Variants in TNR observed in about 807,000 individuals in gnomAD.
TNR encodes the protein tenascin-R.
TNR carries 45 observed loss-of-function variants against 150.4 expected under a neutral mutation model. That is an observed-to-expected ratio of 0.30 (90% CI 0.24 to 0.38). The LOEUF is 0.38. Ranked by LOEUF, TNR falls within the 10% of genes least tolerant of loss-of-function variation. The pLI is 1.00. For synonymous variants in TNR, 687 were observed against 678.4 expected, an observed-to-expected ratio of 1.01 and a Z score of -0.20; for missense variants, 1,544 against 1,759.1, an observed-to-expected ratio of 0.88 and a Z score of 2.19.
chr1:175,333,952 G>T (rs1264156186), intron 20 of TNR, among the ~76,000 whole-genome samples: 1 of 152,206 alleles, frequency 6.6e-6, no homozygotes, highest in Non-Finnish European at 1.5e-5. Flanking sequence ...TGCATGTGTG[G>T]AGTTTGGTGT....
chr1:175,735,806 G>A (rs932973507), intron 1 of TNR, among the ~76,000 whole-genome samples: 1 of 152,172 alleles, frequency 6.6e-6, no homozygotes, highest in African/African-American at 2.4e-5. Flanking sequence ...AGTGTTCATG[G>A]TCTCTGGCTG....
At chr1:175,495,353 A>G (rs183609719) in intron 2 of TNR, among the ~76,000 whole-genome samples, 4 of 152,310 alleles carry the variant, frequency 2.6e-5, no homozygotes, top group Admixed American at 6.5e-5. Context: ...TTTTAATTTT[A>G]GTGGCTACAC....
intron 12 of TNR, among the ~76,000 whole-genome samples, chr1:175,364,222 T>A (rs1215360182): frequency 6.6e-6 from 1 of 152,238 alleles, no homozygotes; most frequent in Non-Finnish European, 1.5e-5. Context: ...AGCAGCCACC[T>A]TTGGTTTCAG....
At position 175,331,078 on chromosome 1, in the gene TNR, C is replaced by CTTCTCTTTCTTTCTTTCTTTCTTTCT. The variant is rs1553203472; in HGVS notation, c.3632-844_3632-843insAGAAAGAAAGAAAGAAAGAAAGAGAA. Among the ~76,000 whole-genome samples the CTTCTCTTTCTTTCTTTCTTTCTTTCT allele has an allele frequency of 3.3e-3, 200 of 59,944 alleles. 7 individuals carry two copies. The highest frequency in any genetic ancestry group is 7.0e-3 in the East Asian group (12 of 1,718). The allele number at this position is 59,944 out of a possible 152,430, so 39.3% of individuals were successfully genotyped here. ...CTTTCTTTCTTTCTTTCTTTCTTTCCTTCTTTCTTTCTTTCTTTCTTTCTC... is the reference window on the plus strand; with the variant it reads ...CTTTCTTTCTTTCTTTCTTTCTTTCCTTCTCTTTCTTTCTTTCTTTCTTTCTTTCTTTCTTTCTTTCTTTCTTTCTC... On this transcript the variant is annotated intron_variant, in intron 20 of 22. Coordinates refer to ENST00000367674, the MANE Select transcript of TNR (RefSeq NM_003285.3).
chr1:175,692,798 CAG>C (rs1666409642), intron 1 of TNR, among the ~76,000 whole-genome samples: 2 of 152,126 alleles, frequency 1.3e-5, no homozygotes, highest in Non-Finnish European at 2.9e-5. Flanking sequence ...TGCAGACAAA[CAG>C]AGACAAATAG....
At chr1:175,530,165 ACT>A (rs1660007989) in intron 1 of TNR, among the ~76,000 whole-genome samples, 1 of 152,204 alleles carries the variant, frequency 6.6e-6, no homozygotes, top group South Asian at 2.1e-4. Context: ...ATCCTTCCAC[ACT>A]GTCATAATTC....
chr1:175,563,342 T>C (rs1162288553), intron 1 of TNR, among the ~76,000 whole-genome samples: 1 of 152,204 alleles, frequency 6.6e-6, no homozygotes, highest in Non-Finnish European at 1.5e-5. Context: ...ACACAAAAAT[T>C]ACTTGCAGTA....
chr1:175,709,989 G>C (rs1187818691), intron 1 of TNR, among the ~76,000 whole-genome samples: 1 of 152,042 alleles, frequency 6.6e-6, no homozygotes, highest in East Asian at 1.9e-4. Flanking sequence ...CCACGTTAGG[G>C]ATTTGGTAGA....
chr1:175,590,677 G>C (rs1409281559), intron 1 of TNR, among the ~76,000 whole-genome samples: 3 of 152,266 alleles, frequency 2.0e-5, no homozygotes, highest in Non-Finnish European at 2.9e-5. Flanking sequence ...GAGGGGAAGG[G>C]CATTCTAGGC....
Position 175,386,122 on chromosome 1 carries a change from C to T in TNR, c.1687G>A (p.Ala563Thr). 1 of 1,613,586 alleles carries T rather than the reference C, an allele frequency of 6.2e-7. No individual in the cohort carries two copies. Among genetic ancestry groups the T allele is most frequent in the African/African-American group, 1.3e-5 (1 of 75,036 alleles). The change falls in exon 8 of 23, where the codon GCC (alanine) becomes ACC (threonine). Residue 563 changes from alanine to threonine, a missense_variant. Physicochemically the swap from Ala to Thr is moderately conservative, Grantham distance 58. Around this residue, in one of 2 missense-constraint regions of TNR, gnomAD observed 1,254 missense variants for 1,329.4 expected, o/e 0.94. Transcript: ENST00000367674. Reference protein sequence around the residue: ...QPPLSQYSVQALRPGSRYEVS... With the variant: ...QPPLSQYSVQTLRPGSRYEVS... ...TCGTATCGGGAGCCAGGCCGCAGGG[C>T]CTGCACTGAGTATTGGCTCAGGGGA...
At chr1:175,670,825 A>T (rs1269202685) in intron 1 of TNR, among the ~76,000 whole-genome samples, 1 of 152,238 alleles carries the variant, frequency 6.6e-6, no homozygotes, top group African/African-American at 2.4e-5. Flanking sequence ...TCAAACGCTT[A>T]TACCCTGGAC....
intron 1 of TNR, among the ~76,000 whole-genome samples, chr1:175,704,872 C>A: frequency 6.6e-6 from 1 of 152,300 alleles, no homozygotes; most frequent in East Asian, 1.9e-4. Context: ...GGCTTATCAA[C>A]GGCTCCCTTC....
intron 2 of TNR, among the ~76,000 whole-genome samples, chr1:175,448,745 C>T (rs1051997281): frequency 6.6e-6 from 1 of 152,234 alleles, no homozygotes; most frequent in Non-Finnish European, 1.5e-5. Flanking sequence ...TATTCACTTT[C>T]GTGACCACTA....
chr1:175,456,425 T>C (rs1001361609), intron 2 of TNR, among the ~76,000 whole-genome samples: 8 of 152,270 alleles, frequency 5.3e-5, no homozygotes, highest in East Asian at 1.9e-4. Context: ...GTCACTACAA[T>C]GCAAGTTCCA....
intron 2 of TNR, among the ~76,000 whole-genome samples, chr1:175,509,515 G>A (rs1055691296): frequency 2.0e-5 from 3 of 152,122 alleles, no homozygotes; most frequent in Non-Finnish European, 4.4e-5. Context: ...GGCACCTAAA[G>A]AACTTCTCCC....
Position 175,379,733 on chromosome 1 carries a change from G to T in TNR, c.1782C>A (p.Ile594=). 6.2e-7 allele frequency: 1 copy of T among 1,613,918 alleles called. No homozygotes were observed. The highest frequency in any genetic ancestry group is 1.1e-5 in the South Asian group (1 of 91,020). Residue 594 remains isoleucine (I), a synonymous_variant, in exon 9 of 23, where the codon ATC becomes ATA. Coordinates refer to ENST00000367674, the MANE Select transcript of TNR (RefSeq NM_003285.3). Reference sequence around the variant, plus strand: ...CAACTCGCAAGTTCTTGGGGGCATCGATCTCTAAAAATAGACAGACATCAC... The same window carrying T: ...CAACTCGCAAGTTCTTGGGGGCATCTATCTCTAAAAATAGACAGACATCAC... ...DSATTQFTTE[I]DAPKNLRVGS...
rs72725425 is a variant in TNR, at chr1:175,481,855, C to G, written c.-64+46414G>C. 9.7e-4 allele frequency among the ~76,000 whole-genome samples: 148 copies of G among 152,140 alleles called. 1 individual carries two copies. The highest frequency in any genetic ancestry group is 1.8e-3 in the Non-Finnish European group (125 of 68,014). On this transcript the variant is annotated intron_variant, in intron 2 of 22. Coordinates refer to ENST00000367674, the MANE Select transcript of TNR (RefSeq NM_003285.3). ...TCTAAGAACAAGCACACACGTCTGC[C>G]CAGAAAGCACTGTCCTGCTGCCTCC...
intron 2 of TNR, among the ~76,000 whole-genome samples, chr1:175,417,288 C>T (rs1312093496): frequency 6.6e-6 from 1 of 151,296 alleles, no homozygotes; most frequent in Admixed American, 6.6e-5. Context: ...TATCCGAGTC[C>T]AGATGGAGGG....
intron 2 of TNR, among the ~76,000 whole-genome samples, chr1:175,429,970 C>G (rs1281661889): frequency 6.6e-6 from 1 of 151,838 alleles, no homozygotes; most frequent in Non-Finnish European, 1.5e-5. Flanking sequence ...TCTCACAGTA[C>G]TTTGTGCAAC....
Sources: gnomAD v4.1 joint callset for allele counts (sites outside exome capture counted in the v4.1 genomes callset) on GRCh38, gnomAD v4.1.1 for gene constraint, gnomAD v4.1.1 regional missense constraint, MANE v1.5 for transcripts, NCBI Gene and HGNC (gene_info 2026-07-23, HGNC 2026-07-21) for gene names.